The following HIBADH variants were observed in gnomAD, a reference collection of about 807,000 sequenced individuals.
The protein encoded by HIBADH is 3-hydroxyisobutyrate dehydrogenase, mitochondrial.
Under a neutral mutation model 36.1 loss-of-function variants are expected in HIBADH, and 25 were observed. The observed-to-expected ratio is 0.69, with a 90% CI of 0.50 to 0.97. HIBADH has a LOEUF of 0.97. Ranked by LOEUF, HIBADH falls within the 50% of genes least tolerant of loss-of-function variation. The pLI, the probability that HIBADH is intolerant of heterozygous loss-of-function variation, is 0.00. For synonymous variants in HIBADH, 160 were observed against 149.5 expected (o/e 1.07, Z -0.51); for missense variants, 421 against 418.0 (o/e 1.01, Z -0.06).
chr7:27,570,944 T>TG (rs1200649228), intron 4 of HIBADH, among the ~76,000 whole-genome samples: 1 of 152,204 alleles, frequency 6.6e-6, no homozygotes, highest in African/African-American at 2.4e-5. Flanking sequence ...ATCATCATGT[T>TG]GACCACTCTC....
rs981376253 is a variant in HIBADH, at chr7:27,531,092, C to T, written c.852+100G>A. 2.4e-6 allele frequency: 3 copies of T among 1,253,270 alleles called. No homozygotes were observed. In the African/African-American group the frequency reaches 4.5e-5, roughly 19 times the overall value. The allele number at this position is 1,253,270 out of a possible 1,614,324, so 77.6% of individuals were successfully genotyped here. A position where few individuals can be genotyped will look rare whatever the true frequency, so the allele number is the denominator to read the frequency against. ...AGTGAATATTCTAGTAATTTTGCCT[C>T]TTACCTGAGACATATGCTTTATTAA... On this transcript the variant is annotated intron_variant, in intron 7 of 7. Transcript: ENST00000265395.
At chr7:27,601,667 T>C (rs7811436) in intron 4 of HIBADH, among the ~76,000 whole-genome samples, 115,265 of 151,920 alleles carry the variant, frequency 0.76, 44,182 homozygotes, top group East Asian at 0.94. Flanking sequence ...ACTCATATTA[T>C]GATTAATAAC....
intron 2 of HIBADH, among the ~76,000 whole-genome samples, chr7:27,644,603 A>C (rs1562656868): frequency 1.3e-5 from 2 of 150,578 alleles, no homozygotes; most frequent in Non-Finnish European, 3.0e-5. Context: ...CCATCTCAAA[A>C]AAAAAAAAAA....
rs762685685 is a variant in HIBADH, at chr7:27,645,368, ATTTTTTT to A, written c.252+4098_252+4104del. ...CTAGTGGGTGTGTCTCATGGTTTTG[ATTTTTTT>A]TTTTTTTTTTTTTTTTTTTTGAGAC... is the stretch of plus-strand genomic sequence containing the variant. On this transcript the variant is annotated intron_variant, in intron 2 of 7. Coordinates refer to ENST00000265395, the MANE Select transcript of HIBADH (RefSeq NM_152740.4). 2.3e-3 allele frequency among the ~76,000 whole-genome samples: 137 copies of A among 59,650 alleles called. 14 individuals carry two copies. In the East Asian group the frequency reaches 0.052, roughly 23 times the overall value. The allele number at this position is 59,650 out of a possible 152,430, so 39.1% of individuals were successfully genotyped here.
chr7:27,635,041 A>G (rs1396545955), intron 2 of HIBADH, among the ~76,000 whole-genome samples: 1 of 151,816 alleles, frequency 6.6e-6, no homozygotes. Flanking sequence ...CAACTGCTCT[A>G]TACCTAATAA....
At chr7:27,624,704 A>G (rs899405586) in intron 4 of HIBADH, among the ~76,000 whole-genome samples, 1 of 152,236 alleles carries the variant, frequency 6.6e-6, no homozygotes, top group African/African-American at 2.4e-5. Flanking sequence ...AATATGCATT[A>G]AAGAACCATC....
At chr7:27,531,590 T>C (rs1367462786) in intron 6 of HIBADH, among the ~76,000 whole-genome samples, 1 of 152,240 alleles carries the variant, frequency 6.6e-6, no homozygotes, top group Non-Finnish European at 1.5e-5. Flanking sequence ...TTCTATGTTA[T>C]CCTATTATTA....
At chr7:27,602,278 C>T (rs1391149145) in intron 4 of HIBADH, among the ~76,000 whole-genome samples, 1 of 151,890 alleles carries the variant, frequency 6.6e-6, no homozygotes, top group Non-Finnish European at 1.5e-5. Flanking sequence ...ACAAAAGGTA[C>T]TTAATTAATC....
chr7:27,621,780 A>T (rs1014821704), intron 4 of HIBADH, among the ~76,000 whole-genome samples: 1 of 152,190 alleles, frequency 6.6e-6, no homozygotes, highest in Admixed American at 6.5e-5. Flanking sequence ...TGACAAAGCG[A>T]GACTCGATCT....
chr7:27,563,951 T>A (rs1050135689), intron 4 of HIBADH, among the ~76,000 whole-genome samples: 12 of 146,382 alleles, frequency 8.2e-5, no homozygotes, highest in African/African-American at 2.6e-4. Context: ...CAGGCTGGAG[T>A]GCAGTGGCAC....
intron 4 of HIBADH, among the ~76,000 whole-genome samples, chr7:27,561,320 C>G (rs995441992): frequency 6.6e-6 from 1 of 152,066 alleles, no homozygotes; most frequent in African/African-American, 2.4e-5. Context: ...GTTTAATATA[C>G]AGGATTTTCA....
At chr7:27,649,700 T>C in intron 1 of HIBADH, 67 bp from the exon 2 acceptor site, 3 of 1,401,616 alleles carry the variant, frequency 2.1e-6, no homozygotes, top group Middle Eastern at 1.8e-4. Context: ...TCATTTAATA[T>C]TAGCAAGTCA....
chr7:27,534,818 C>T (rs1013532780), intron 6 of HIBADH, among the ~76,000 whole-genome samples: 1 of 151,718 alleles, frequency 6.6e-6, no homozygotes, highest in African/African-American at 2.4e-5. Context: ...ATATCATTAC[C>T]ACATATCGAC....
At chr7:27,606,965 C>T (rs369118238) in intron 4 of HIBADH, among the ~76,000 whole-genome samples, 2 of 152,140 alleles carry the variant, frequency 1.3e-5, no homozygotes, top group African/African-American at 4.8e-5. Context: ...GCACCCCCAC[C>T]CCCTAACCCT....
chr7:27,557,912 T>C (rs1023345896), intron 4 of HIBADH, among the ~76,000 whole-genome samples: 5 of 152,354 alleles, frequency 3.3e-5, no homozygotes, highest in African/African-American at 1.2e-4. Flanking sequence ...AAAACCATCT[T>C]TACTTTGTTC....
intron 6 of HIBADH, among the ~76,000 whole-genome samples, chr7:27,532,165 A>G (rs938410995): frequency 9.2e-5 from 14 of 152,224 alleles, no homozygotes; most frequent in African/African-American, 3.4e-4. Context: ...TAGAATCAAA[A>G]TGCTCCATTA....
At chr7:27,573,261 G>A (rs1001630490) in intron 4 of HIBADH, among the ~76,000 whole-genome samples, 7 of 152,110 alleles carry the variant, frequency 4.6e-5, no homozygotes, top group African/African-American at 7.2e-5. Context: ...TCCTCATCCA[G>A]CCCCATAATA....
intron 1 of HIBADH, among the ~76,000 whole-genome samples, chr7:27,649,904 C>A (rs1267699484): frequency 3.3e-5 from 5 of 151,356 alleles, no homozygotes; most frequent in African/African-American, 1.2e-4. Context: ...AAAAAACCCA[C>A]TAACTTTTAA....
chr7:27,610,723 T>C (rs1397508205), intron 4 of HIBADH, among the ~76,000 whole-genome samples: 1 of 152,194 alleles, frequency 6.6e-6, no homozygotes, highest in Non-Finnish European at 1.5e-5. Flanking sequence ...AAAACAGCAA[T>C]GTTTCAGCCC....
Sources: gnomAD v4.1 joint callset for allele counts (sites outside exome capture counted in the v4.1 genomes callset) on GRCh38, gnomAD v4.1.1 for gene constraint, MANE v1.5 for transcripts, NCBI Gene and HGNC (gene_info 2026-07-23, HGNC 2026-07-21) for gene names.